Variants in TMEM217 observed in about 807,000 individuals in gnomAD.
The protein encoded by TMEM217 is chromosome 6 open reading frame 128.
For missense variants in TMEM217, 204 were observed against 248.8 expected (o/e 0.82, Z 1.21); for synonymous variants, 76 against 88.3 (o/e 0.86, Z 0.78).
At chr6:37,249,005 G>A (rs1765244889) in intron 1 of TMEM217, among the ~76,000 whole-genome samples, 1 of 152,134 alleles carries the variant, frequency 6.6e-6, no homozygotes, top group Non-Finnish European at 1.5e-5. Context: ...ACTCCAATCT[G>A]CCTCTGTGGT....
intron 1 of TMEM217, among the ~76,000 whole-genome samples, chr6:37,225,008 A>AT (rs955641695): frequency 6.7e-6 from 1 of 149,978 alleles, no homozygotes; most frequent in Non-Finnish European, 1.5e-5. Context: ...GCCCATCTCT[A>AT]TAAAAAAAAA....
Position 37,218,508 on chromosome 6 carries a change from G to T in TMEM217, c.523C>A (p.Leu175Ile), listed in dbSNP as rs764102829. 1.1e-5 allele frequency: 17 copies of T among 1,613,958 alleles called. No homozygotes were observed. The highest frequency in any genetic ancestry group is 6.6e-5 in the South Asian group (6 of 91,076). The change falls in exon 2 of 2, where the codon CTC (leucine) becomes ATC (isoleucine). Residue 175 changes from leucine to isoleucine, a missense_variant. By Grantham distance (5) the Leu-to-Ile change is conservative. Transcript: ENST00000357219. Reference sequence around the variant, plus strand: ...GATAATCTTTTATTTCTGCTGTGGAGAATCTCCGCTGTAGAAATTCGTCTC... The same window carrying T: ...GATAATCTTTTATTTCTGCTGTGGATAATCTCCGCTGTAGAAATTCGTCTC...
chr6:37,215,095 C>G, downstream of TMEM217: 1 of 1,488,944 alleles, frequency 6.7e-7, no homozygotes, highest in South Asian at 1.3e-5. Flanking sequence ...GCCTTGGTCT[C>G]CACCCTCGGC....
chr6:37,236,526 A>G (rs937173612), intron 1 of TMEM217, among the ~76,000 whole-genome samples: 6 of 152,148 alleles, frequency 3.9e-5, no homozygotes, highest in African/African-American at 1.4e-4. Context: ...AGGCCATTAT[A>G]GGGAGGGTAT....
chr6:37,236,833 G>A (rs545095277), intron 1 of TMEM217, among the ~76,000 whole-genome samples: 3 of 152,294 alleles, frequency 2.0e-5, no homozygotes, highest in South Asian at 4.1e-4. Flanking sequence ...TGTCCAGGAT[G>A]ACTTGCTACT....
At chr6:37,219,622 C>T (rs1388457120) in intron 1 of TMEM217, among the ~76,000 whole-genome samples, 4 of 152,010 alleles carry the variant, frequency 2.6e-5, no homozygotes, top group South Asian at 2.1e-4. Flanking sequence ...GTTTTAGCTA[C>T]TTAGGAGGCT....
At chr6:37,219,982 T>C (rs914533122) in intron 1 of TMEM217, among the ~76,000 whole-genome samples, 5 of 152,120 alleles carry the variant, frequency 3.3e-5, no homozygotes, top group African/African-American at 1.2e-4. Context: ...TTAAAGGAAA[T>C]TTAGAGCCCT....
At chr6:37,212,977 T>G (rs1470268687), downstream of TMEM217, 2 of 1,544,088 alleles carry the variant, frequency 1.3e-6, no homozygotes, top group African/African-American at 2.7e-5. Flanking sequence ...CATTTTATAC[T>G]TGTTTTACCA....
chr6:37,218,363 GT>G, exon 2 of TMEM217: 2 of 1,351,362 alleles, frequency 1.5e-6, no homozygotes, highest in East Asian at 2.3e-5. Flanking sequence ...TAGAGACGGG[GT>G]TTTGCCATGG....
exon 2 of TMEM217, chr6:37,218,247 G>A: frequency 1.5e-6 from 2 of 1,301,204 alleles, no homozygotes; most frequent in Non-Finnish European, 2.0e-6. Context: ...TCGGCTCACT[G>A]CAACCTCCAC....
chr6:37,218,966 G>A, exon 2 of TMEM217: 1 of 1,614,178 alleles, frequency 6.2e-7, no homozygotes, highest in African/African-American at 1.3e-5. Context: ...GGCCATGATG[G>A]TGAAGACCCC....
exon 1 of TMEM217, chr6:37,257,584 G>A: frequency 2.8e-6 from 1 of 363,596 alleles, no homozygotes; most frequent in Non-Finnish European, 5.1e-6. Flanking sequence ...CTTCCCTCTC[G>A]CGGGTAGGAA....
At chr6:37,228,285 T>A (rs941768961) in intron 1 of TMEM217, among the ~76,000 whole-genome samples, 1 of 152,208 alleles carries the variant, frequency 6.6e-6, no homozygotes, top group Non-Finnish European at 1.5e-5. Flanking sequence ...ATTGTAGCAA[T>A]TAGGACAGTG....
chr6:37,243,098 G>T (rs185010926), intron 1 of TMEM217, among the ~76,000 whole-genome samples: 1 of 151,996 alleles, frequency 6.6e-6, no homozygotes. Context: ...CAGTTGCCCT[G>T]CCCCTACAAA....
chr6:37,227,788 T>G (rs1257181971), intron 1 of TMEM217, among the ~76,000 whole-genome samples: 2 of 151,790 alleles, frequency 1.3e-5, no homozygotes, highest in Non-Finnish European at 2.9e-5. Context: ...CATTATTACA[T>G]CATCTCATCT....
chr6:37,218,350 T>A lies in TMEM217; in HGVS notation c.*72A>T, dbSNP rs1763333134. 7.1e-6 allele frequency: 9 copies of A among 1,274,682 alleles called. No individual in the cohort carries two copies. The South Asian group carries it at 8.8e-5, about 12-fold the overall frequency. The allele number at this position is 1,274,682 out of a possible 1,614,324, so 79.0% of individuals were successfully genotyped here. A position where few individuals can be genotyped will look rare whatever the true frequency, so the allele number is the denominator to read the frequency against. ...CGCCTGGCTAATTTTCTATTTTTTT[T>A]AGTAGAGACGGGGTTTTGCCATGGC... is the stretch of plus-strand genomic sequence containing the variant. On this transcript the variant is annotated 3_prime_UTR_variant, in exon 2 of 2. Transcript: ENST00000357219.
chr6:37,232,619 C>T (rs1764266743), intron 1 of TMEM217, among the ~76,000 whole-genome samples: 2 of 152,210 alleles, frequency 1.3e-5, no homozygotes, highest in Non-Finnish European at 1.5e-5. Context: ...TTCTCTGCAA[C>T]AGCTAGTCCA....
chr6:37,253,461 C>T (rs1486420768), intron 1 of TMEM217, among the ~76,000 whole-genome samples: 1 of 152,176 alleles, frequency 6.6e-6, no homozygotes, highest in Non-Finnish European at 1.5e-5. Context: ...TAACCTCTTA[C>T]TTTTTCAGTC....
chr6:37,254,534 G>A (rs1765608841), intron 1 of TMEM217, among the ~76,000 whole-genome samples: 2 of 152,296 alleles, frequency 1.3e-5, no homozygotes, highest in Admixed American at 6.5e-5. Context: ...TTCAACCAAG[G>A]ATGTAGGCAA....
Sources: allele counts gnomAD v4.1 joint callset (sites outside exome capture counted in the v4.1 genomes callset), GRCh38; gene constraint gnomAD v4.1.1; transcripts MANE v1.5; gene names NCBI Gene and HGNC (gene_info 2026-07-23, HGNC 2026-07-21).